Variants in NBPF10 observed in about 807,000 individuals in gnomAD.
NBPF10 encodes NBPF member 10.
A neutral mutation model predicts 77.9 loss-of-function variants in NBPF10; 63 were observed. That is an observed-to-expected ratio of 0.81 (90% CI 0.66 to 1.00). NBPF10 has a LOEUF of 1.00. NBPF10 is among the 50% of genes least tolerant of loss of function. The pLI, the probability that NBPF10 is intolerant of heterozygous loss-of-function variation, is 0.00. For missense variants in NBPF10, 522 were observed against 679.8 expected (o/e 0.77, Z 2.58); for synonymous variants, 146 against 264.5 (o/e 0.55, Z 4.35).
At chr1:146,121,904 G>A (rs1658221378) in intron 19 of NBPF10, among the ~76,000 whole-genome samples, 1 of 148,780 alleles carries the variant, frequency 6.7e-6, no homozygotes, top group Non-Finnish European at 1.5e-5. Flanking sequence ...GAGAGAAAGT[G>A]ACCTAGTGAA....
intron 14 of NBPF10, among the ~76,000 whole-genome samples, chr1:146,125,735 T>G (rs1250273283): frequency 2.2e-5 from 3 of 135,660 alleles, no homozygotes; most frequent in Non-Finnish European, 4.6e-5. Context: ...TGGTAGATCG[T>G]TATCCAAATA....
chr1:146,125,703 C>T (rs1342074424), intron 14 of NBPF10, among the ~76,000 whole-genome samples, 187 bp from the exon 15 acceptor site: 2 of 131,634 alleles, frequency 1.5e-5, no homozygotes, highest in African/African-American at 6.0e-5. Context: ...GTCCCAGAAA[C>T]TGTGGGTAAA....
intron 88 of NBPF10, among the ~76,000 whole-genome samples, chr1:146,067,791 G>C (rs1188389745): frequency 6.6e-6 from 1 of 151,750 alleles, no homozygotes; most frequent in Non-Finnish European, 1.5e-5. Context: ...CACAGGTATG[G>C]CCTGAGACTA....
intron 80 of NBPF10, among the ~76,000 whole-genome samples, chr1:146,073,962 C>T (rs1407043433): frequency 1.0e-5 from 1 of 98,954 alleles, no homozygotes; most frequent in South Asian, 3.3e-4. Context: ...ATGAAATCTC[C>T]AAGATCTACA....
At chr1:146,123,525 C>G (rs201099691) in intron 17 of NBPF10, among the ~76,000 whole-genome samples, 5,774 of 69,526 alleles carry the variant, frequency 0.083, 3 homozygotes, top group Admixed American at 0.097. Flanking sequence ...CACACACACA[C>G]AGAGAGAGAG....
intron 5 of NBPF10, among the ~76,000 whole-genome samples, chr1:146,139,007 C>G (rs1659997004): frequency 7.2e-6 from 1 of 139,644 alleles, no homozygotes; most frequent in Non-Finnish European, 1.6e-5. Flanking sequence ...TGGTTTCGAA[C>G]TCCTGAGCTC....
At chr1:146,076,306 G>C (rs1208527679) in intron 77 of NBPF10, among the ~76,000 whole-genome samples, 537 of 3,460 alleles carry the variant, frequency 0.16, 51 homozygotes, top group Non-Finnish European at 0.34. Flanking sequence ...CACACACAGA[G>C]AGAGAGAGAG....
intron 15 of NBPF10, among the ~76,000 whole-genome samples, chr1:146,125,108 C>T (rs1462370672): frequency 4.2e-5 from 2 of 47,930 alleles, no homozygotes; most frequent in Non-Finnish European, 7.7e-5. Context: ...GCGAGTTGGC[C>T]GGGTGACACA....
At chr1:146,126,122 G>T (rs3928095) in intron 14 of NBPF10, 114 bp downstream of exon 14, 15 of 748,164 alleles carry the variant, frequency 2.0e-5, no homozygotes, top group East Asian at 1.0e-4. Flanking sequence ...GTGCCTATAG[G>T]TCCTCCCTGT....
At chr1:146,126,268 T>A in exon 14 of NBPF10, 1 of 1,608,368 alleles carries the variant, frequency 6.2e-7, no homozygotes, top group East Asian at 2.2e-5. Flanking sequence ...AACACGCTGT[T>A]GCTCCAATAT....
At position 146,126,489 on chromosome 1, in the gene NBPF10, T is replaced by G. The variant is rs1260600371; in HGVS notation, c.1854-81A>C. 4.8e-5 allele frequency: 35 copies of G among 727,554 alleles called. No individual in the cohort carries two copies. In the Admixed American group the frequency reaches 6.2e-4, roughly 13 times the overall value. The allele number at this position is 727,554 out of a possible 1,614,324, so 45.1% of individuals were successfully genotyped here. A position where few individuals can be genotyped will look rare whatever the true frequency, so the allele number is the denominator to read the frequency against. Reference sequence around the variant, plus strand: ...CCCCAGCTAGATTTCATGGCTAACATAAGGAAGAGTTTGAAAAGAAAAAGG... The same window carrying G: ...CCCCAGCTAGATTTCATGGCTAACAGAAGGAAGAGTTTGAAAAGAAAAAGG... On this transcript the variant is annotated intron_variant, in intron 13 of 89. Coordinates refer to ENST00000583866, the Ensembl canonical transcript of NBPF10.
intron 89 of NBPF10, among the ~76,000 whole-genome samples, chr1:146,066,836 G>C (rs1317546403): frequency 6.6e-6 from 1 of 151,572 alleles, no homozygotes; most frequent in Non-Finnish European, 1.5e-5. Context: ...TACTGGTAAG[G>C]GAGTCAAAGG....
At chr1:146,126,302 G>C in exon 14 of NBPF10, 1 of 1,579,366 alleles carries the variant, frequency 6.3e-7, no homozygotes. Context: ...CTGTAGGGCT[G>C]GCATGAGTCA....
chr1:146,139,092 C>CT lies in NBPF10; in HGVS notation c.779-648dup, dbSNP rs782186835. Among the ~76,000 whole-genome samples the CT allele has an allele frequency of 3.6e-3, 296 of 82,428 alleles. 1 individual carries two copies. The highest frequency in any genetic ancestry group is 0.015 in the East Asian group (40 of 2,658). 54.1% of individuals were successfully genotyped at this position (82,428 alleles called of 152,430 possible). On this transcript the variant is annotated intron_variant, in intron 5 of 89. Transcript: ENST00000583866. ...GCCAGCGCCCCTGGTCAGAGACTTA[C>CT]TTTTTTTTTTTTTTTTTTTTTTTTT...
chr1:146,069,614 G>C lies in NBPF10; in HGVS notation c.10739C>G (p.Ser3580Ter). ...AAAGGCACTTCTGTAGGGCTGGCAT[G>C]AGTCACACAGTTCAAGACAACCTGA... is the stretch of plus-strand genomic sequence containing the variant. Residue 3580 changes from serine (S) to a stop codon, truncating the protein, a stop_gained, in exon 86 of 90, where the codon TCA becomes TGA. Coordinates refer to ENST00000583866, the Ensembl canonical transcript of NBPF10. LOFTEE classifies it high-confidence loss of function. The C allele has an allele frequency of 3.2e-6, 5 of 1,569,452 alleles. No individual in the cohort carries two copies. The highest frequency in any genetic ancestry group is 4.3e-6 in the Non-Finnish European group (5 of 1,156,408).
At chr1:146,126,099 A>G in intron 14 of NBPF10, 137 bp downstream of exon 14, 1 of 663,174 alleles carries the variant, frequency 1.5e-6, no homozygotes. Context: ...CTAGAGTTTC[A>G]TTCAACCTAC....
intron 88 of NBPF10, among the ~76,000 whole-genome samples, chr1:146,067,723 T>A (rs1404292635): frequency 6.7e-6 from 1 of 149,746 alleles, no homozygotes; most frequent in African/African-American, 2.5e-5. Context: ...AAAATCACAG[T>A]TCTCTGAATT....
intron 89 of NBPF10, among the ~76,000 whole-genome samples, chr1:146,066,861 T>C (rs1410171697): frequency 6.6e-6 from 1 of 151,136 alleles, no homozygotes; most frequent in East Asian, 1.9e-4. Context: ...TCTGACTTAG[T>C]GCCCTCATGA....
intron 71 of NBPF10, among the ~76,000 whole-genome samples, chr1:146,081,016 C>T (rs1303482043): frequency 1.2e-5 from 1 of 80,688 alleles, no homozygotes; most frequent in African/African-American, 3.3e-5. Context: ...CACACACACA[C>T]ACACACACAC....
Sources: gnomAD v4.1 joint callset for allele counts (sites outside exome capture counted in the v4.1 genomes callset) on GRCh38, gnomAD v4.1.1 for gene constraint, MANE v1.5 for transcripts, NCBI Gene and HGNC (gene_info 2026-07-23, HGNC 2026-07-21) for gene names.